Variants in TECPR2 observed in about 807,000 individuals in gnomAD.
The protein encoded by TECPR2 is tectonin beta-propeller repeat-containing protein 2.
TECPR2 carries 65 observed loss-of-function variants against 138.1 expected under a neutral mutation model. That is an observed-to-expected ratio of 0.47 (90% CI 0.39 to 0.58). TECPR2 has a LOEUF of 0.58. TECPR2 is among the 20% of genes least tolerant of loss of function. TECPR2 has a pLI of 0.00. For missense variants in TECPR2, 1,553 were observed against 1,824.5 expected (o/e 0.85, Z 2.71); for synonymous variants, 746 against 749.8 (o/e 0.99, Z 0.08).
chr14:102,437,478 C>G (rs894002063), intron 9 of TECPR2, among the ~76,000 whole-genome samples: 1 of 152,114 alleles, frequency 6.6e-6, no homozygotes, highest in African/African-American at 2.4e-5. Context: ...TGCTTGAACC[C>G]AGGAGGCGGA....
intron 1 of TECPR2, among the ~76,000 whole-genome samples, chr14:102,365,741 T>C (rs893235138): frequency 2.6e-5 from 4 of 152,082 alleles, no homozygotes; most frequent in African/African-American, 9.7e-5. Context: ...GGGTGATTGC[T>C]AAAGGGTAGG....
At chr14:102,480,028 G>C (rs1890853021) in intron 17 of TECPR2, among the ~76,000 whole-genome samples, 3 of 152,260 alleles carry the variant, frequency 2.0e-5, no homozygotes, top group Admixed American at 6.5e-5. Context: ...TTTGCCTGTA[G>C]ATTCAATTGA....
At position 102,443,510 on chromosome 14, in the gene TECPR2, A is replaced by T; in HGVS notation, c.2753-137A>T. 2 of 734,536 alleles carry T rather than the reference A, an allele frequency of 2.7e-6. No homozygotes were observed. The highest frequency in any genetic ancestry group is 3.8e-6 in the Non-Finnish European group (2 of 525,202). The allele number at this position is 734,536 out of a possible 1,614,324, so 45.5% of individuals were successfully genotyped here. On this transcript the variant is annotated intron_variant, in intron 11 of 19. Coordinates refer to ENST00000359520, the MANE Select transcript of TECPR2 (RefSeq NM_014844.5). This position sits in a 1 kb window ranked among gnomAD's most constrained non-coding sequence, Gnocchi z 4.9. ...TATTTTTAATTAATTAATTAATTAAAGTTTTTTTTTAAAGCACTCATCATA... is the reference window on the plus strand; with the variant it reads ...TATTTTTAATTAATTAATTAATTAATGTTTTTTTTTAAAGCACTCATCATA...
Position 102,434,450 on chromosome 14 carries a change from G to A in TECPR2, c.1633G>A (p.Glu545Lys), listed in dbSNP as rs765752906. 16 of 1,539,232 alleles carry A rather than the reference G, an allele frequency of 1.0e-5. No homozygotes were observed. The highest frequency in any genetic ancestry group is 1.8e-4 in the Middle Eastern group (1 of 5,712). The change falls in exon 9 of 20, where the codon GAA (glutamate) becomes AAA (lysine). Residue 545 changes from glutamate (E) to lysine (K), a missense_variant. Transcript: ENST00000359520. ...NGVPQENTDPETFNVLEVSGS... is the reference protein window; with the variant it reads ...NGVPQENTDPKTFNVLEVSGS... ...TGTCCCACAGGAAAATACTGACCCC[G>A]AAACGTTTAATGTCCTGGAGGTGTC... is the stretch of plus-strand genomic sequence containing the variant.
chr14:102,498,024 C>T, intron 19 of TECPR2, 79 bp from the exon 20 acceptor site: 1 of 1,555,828 alleles, frequency 6.4e-7, no homozygotes. Flanking sequence ...CAGACCTGCG[C>T]CCAAGCTCCC....
intron 17 of TECPR2, among the ~76,000 whole-genome samples, chr14:102,492,769 G>A (rs1481141458): frequency 6.6e-6 from 1 of 152,248 alleles, no homozygotes; most frequent in Non-Finnish European, 1.5e-5. Context: ...GGGGGCGTGT[G>A]TGTCCGGAAG....
Position 102,428,244 on chromosome 14 carries a change from T to TTTTTA in TECPR2, c.952-6_952-5insTTTTA. ...TTTGTTTTTTTTTTTTTTTTTTTTT[T>TTTTTA]GACAGGCCACAGTTGCTGGTTTGGA... On this transcript the variant is annotated splice_polypyrimidine_tract_variant and splice_region_variant and intron_variant, in intron 6 of 19. Transcript: ENST00000359520. 1 of 1,350,742 alleles carries TTTTTA rather than the reference T, an allele frequency of 7.4e-7. No homozygotes were observed. 83.7% of individuals were successfully genotyped at this position (1,350,742 alleles called of 1,614,324 possible).
At chr14:102,432,729 G>A (rs1371966382) in intron 8 of TECPR2, among the ~76,000 whole-genome samples, 1 of 151,802 alleles carries the variant, frequency 6.6e-6, no homozygotes, top group Non-Finnish European at 1.5e-5. Flanking sequence ...GTCGGGGCCG[G>A]GCGCAGTGGC....
At chr14:102,481,798 CT>C (rs1178495868) in intron 17 of TECPR2, among the ~76,000 whole-genome samples, 1 of 152,156 alleles carries the variant, frequency 6.6e-6, no homozygotes, top group East Asian at 1.9e-4. Context: ...TCAGGTGTTT[CT>C]GGTTGACTCT....
chr14:102,436,205 C>A (rs1406997209), intron 9 of TECPR2, among the ~76,000 whole-genome samples: 1 of 152,212 alleles, frequency 6.6e-6, no homozygotes, highest in Non-Finnish European at 1.5e-5. Context: ...GAAGGGCGGG[C>A]CCCAGGACCC....
intron 2 of TECPR2, among the ~76,000 whole-genome samples, chr14:102,390,067 G>A (rs922186528): frequency 6.6e-6 from 1 of 152,174 alleles, no homozygotes; most frequent in Non-Finnish European, 1.5e-5. Flanking sequence ...TGGTATGCTA[G>A]TGGTTTCTAC....
At chr14:102,388,960 CA>C (rs778348018) in intron 2 of TECPR2, among the ~76,000 whole-genome samples, 891 of 59,416 alleles carry the variant, frequency 0.015, 4 homozygotes, top group African/African-American at 0.034. Context: ...GACTCCGTCT[CA>C]AAAAAAAAAA....
intron 3 of TECPR2, 61 bp from the exon 4 acceptor site, chr14:102,408,427 C>A (rs563765067): frequency 1.3e-4 from 207 of 1,534,344 alleles, no homozygotes; most frequent in Admixed American, 5.8e-4. Context: ...TTCCATGTAG[C>A]CCCAGCTCAC....
chr14:102,385,203 C>T (rs1167000581), intron 2 of TECPR2, among the ~76,000 whole-genome samples: 1 of 151,970 alleles, frequency 6.6e-6, no homozygotes, highest in South Asian at 2.1e-4. Context: ...GTGCCATCCT[C>T]GTGCAAGGAA....
At chr14:102,486,118 C>G (rs889431643) in intron 17 of TECPR2, among the ~76,000 whole-genome samples, 7 of 152,156 alleles carry the variant, frequency 4.6e-5, no homozygotes, top group Middle Eastern at 3.2e-3. Context: ...GAGGTCACAC[C>G]TCAGACCAGA....
At chr14:102,463,427 A>G (rs1890465614) in intron 16 of TECPR2, among the ~76,000 whole-genome samples, 1 of 147,920 alleles carries the variant, frequency 6.8e-6, no homozygotes, top group East Asian at 1.9e-4. Flanking sequence ...AAAAAAAAAA[A>G]AAAAAAAAAA....
intron 16 of TECPR2, among the ~76,000 whole-genome samples, chr14:102,455,632 A>G (rs2139759768): frequency 6.7e-6 from 1 of 148,840 alleles, no homozygotes; most frequent in East Asian, 2.0e-4. Context: ...GTTTTTTGAG[A>G]CGGAGTTTCG....
Position 102,415,902 on chromosome 14 carries a change from G to A in TECPR2, c.638+1109G>A, listed in dbSNP as rs1005697610. 6.6e-5 allele frequency among the ~76,000 whole-genome samples: 10 copies of A among 152,132 alleles called. No individual in the cohort carries two copies. Among genetic ancestry groups the A allele is most frequent in the African/African-American group, 2.2e-4 (9 of 41,414 alleles). ...TTGGCAGGCGTTGATGAGGCCCTGC[G>A]GCTGGTGGTGCCGTTGGGGACAGGC... On this transcript the variant is annotated intron_variant, in intron 5 of 19. Coordinates refer to ENST00000359520, the MANE Select transcript of TECPR2 (RefSeq NM_014844.5). This position sits in a 1 kb window ranked among gnomAD's most constrained non-coding sequence, Gnocchi z 4.3.
At chr14:102,369,907 A>C (rs1365027241) in intron 1 of TECPR2, among the ~76,000 whole-genome samples, 6 of 151,934 alleles carry the variant, frequency 3.9e-5, no homozygotes, top group Non-Finnish European at 8.8e-5. Context: ...GTGAGCCGAG[A>C]TCGCATCACT....
Sources: allele counts gnomAD v4.1 joint callset (sites outside exome capture counted in the v4.1 genomes callset), GRCh38; gene constraint gnomAD v4.1.1; non-coding constraint Gnocchi (gnomAD v3.1); transcripts MANE v1.5; gene names NCBI Gene and HGNC (gene_info 2026-07-23, HGNC 2026-07-21).